Variants in TPP2 observed in about 807,000 individuals in gnomAD.
The protein encoded by TPP2 is tripeptidyl-peptidase 2.
Under a neutral mutation model 155.9 loss-of-function variants are expected in TPP2, and 34 were observed. The observed-to-expected ratio is 0.22, with a 90% CI of 0.17 to 0.29. The LOEUF is 0.29. Ranked by LOEUF, TPP2 falls within the 10% of genes least tolerant of loss-of-function variation. TPP2 has a pLI of 1.00. For missense variants in TPP2, 1,028 were observed against 1,522.3 expected (o/e 0.68, Z 5.40); for synonymous variants, 510 against 529.4 (o/e 0.96, Z 0.50).
At chr13:102,635,748 T>C (rs1019187447) in intron 12 of TPP2, 46 bp downstream of exon 12, 1 of 1,376,986 alleles carries the variant, frequency 7.3e-7, no homozygotes, top group Non-Finnish European at 1.0e-6. Flanking sequence ...ATCATTGAGA[T>C]AATATCTTAG....
At chr13:102,637,562 G>GTTGTTGTTGTTT (rs146918894) in intron 14 of TPP2, among the ~76,000 whole-genome samples, 2 of 152,062 alleles carry the variant, frequency 1.3e-5, no homozygotes, top group African/African-American at 4.8e-5. Flanking sequence ...TGTTGTTGTT[G>GTTGTTGTTGTTT]TTTTAAGAGA....
At chr13:102,637,541 C>CTTGTTG (rs11272845) in intron 14 of TPP2, among the ~76,000 whole-genome samples, 142 of 151,072 alleles carry the variant, frequency 9.4e-4, no homozygotes, top group African/African-American at 2.7e-3. Flanking sequence ...GCTGCAGTTG[C>CTTGTTG]TTGTTGTTGT....
chr13:102,642,006 G>A (rs1341697674), intron 16 of TPP2, among the ~76,000 whole-genome samples: 1 of 152,216 alleles, frequency 6.6e-6, no homozygotes, highest in Non-Finnish European at 1.5e-5. Context: ...CAGAGTAGCG[G>A]CAAGGCCACG....
At chr13:102,637,758 C>T (rs682729) in intron 14 of TPP2, among the ~76,000 whole-genome samples, 75,246 of 151,920 alleles carry the variant, frequency 0.5, 19,040 homozygotes, top group African/African-American at 0.6. Flanking sequence ...TCTATGTTGC[C>T]CAGTCTTGTC....
At chr13:102,645,862 A>AGT (rs1448724643) in intron 19 of TPP2, among the ~76,000 whole-genome samples, 1 of 152,180 alleles carries the variant, frequency 6.6e-6, no homozygotes, top group Non-Finnish European at 1.5e-5. Flanking sequence ...AGGAGGGCTG[A>AGT]GTGTGGCCCC....
intron 27 of TPP2, among the ~76,000 whole-genome samples, chr13:102,671,589 C>G (rs148829293): frequency 6.6e-6 from 1 of 152,138 alleles, no homozygotes; most frequent in Non-Finnish European, 1.5e-5. Context: ...TCTTTATAAG[C>G]GTTAAAAGTA....
rs541752299 is a variant in TPP2 at position 102,671,604 on chromosome 13, G to T, written c.3372-2679G>T. Among the ~76,000 whole-genome samples, 34 of 152,266 alleles carry T rather than the reference G, an allele frequency of 2.2e-4. 1 individual carries two copies. Among genetic ancestry groups the T allele is most frequent in the African/African-American group, 7.9e-4 (33 of 41,552 alleles). On this transcript the variant is annotated intron_variant, in intron 27 of 29. Coordinates refer to ENST00000376052, the MANE Select transcript of TPP2 (RefSeq NM_001330588.2). ...TCTTTATAAGCGTTAAAAGTAACGGGTTCATACACCTGATTGTGTTGTCAA... is the reference window on the plus strand; with the variant it reads ...TCTTTATAAGCGTTAAAAGTAACGGTTTCATACACCTGATTGTGTTGTCAA...
intron 21 of TPP2, among the ~76,000 whole-genome samples, chr13:102,647,706 A>AG (rs1388151260): frequency 6.6e-6 from 1 of 152,116 alleles, no homozygotes; most frequent in Admixed American, 6.6e-5. Flanking sequence ...AATGATCCTA[A>AG]GTCTGAGGGG....
chr13:102,602,386 T>A (rs904886666), intron 1 of TPP2, among the ~76,000 whole-genome samples: 2 of 152,192 alleles, frequency 1.3e-5, no homozygotes, highest in African/African-American at 2.4e-5. Context: ...TGATTTTTTT[T>A]AATTATGACT....
intron 12 of TPP2, 56 bp from the exon 13 acceptor site, chr13:102,636,168 C>G (rs945291656): frequency 4.6e-5 from 68 of 1,486,530 alleles, no homozygotes; most frequent in Non-Finnish European, 6.0e-5. Context: ...TAATTTGCAA[C>G]AAAATATTTT....
At chr13:102,603,636 G>A (rs763070476) in intron 1 of TPP2, among the ~76,000 whole-genome samples, 48 of 152,198 alleles carry the variant, frequency 3.2e-4, no homozygotes, top group Non-Finnish European at 6.6e-4. Flanking sequence ...CAGATGGTGC[G>A]AGGCTTTTTA....
At chr13:102,641,808 G>C (rs1048988327) in intron 16 of TPP2, among the ~76,000 whole-genome samples, 3 of 152,178 alleles carry the variant, frequency 2.0e-5, no homozygotes, top group Non-Finnish European at 4.4e-5. Flanking sequence ...GCAGTGAGAG[G>C]CTTCTGAGGA....
chr13:102,626,744 TA>T (rs1028508702), intron 6 of TPP2, among the ~76,000 whole-genome samples: 1 of 152,230 alleles, frequency 6.6e-6, no homozygotes, highest in African/African-American at 2.4e-5. Flanking sequence ...TCTTCTTTTA[TA>T]AAATGCTTTT....
intron 29 of TPP2, among the ~76,000 whole-genome samples, chr13:102,677,375 C>CCT (rs1555307407): frequency 6.6e-6 from 1 of 152,098 alleles, no homozygotes; most frequent in South Asian, 2.1e-4. Context: ...CACTCTGCCC[C>CCT]CCCCGCTGCC....
chr13:102,678,268 T>C lies in TPP2; in HGVS notation c.3741T>C (p.Thr1247=). The part of the protein sequence containing the change: ...LLGWTHCASF[T]ENWLPIMYPP... Reference sequence around the variant, plus strand: ...GATGGACCCATTGTGCATCTTTTACTGAAAACTGGCTCCCCATCATGTATC... The same window carrying C: ...GATGGACCCATTGTGCATCTTTTACCGAAAACTGGCTCCCCATCATGTATC... The change falls in exon 30 of 30, where the codon ACT becomes ACC. Residue 1247 remains threonine, a synonymous_variant. Transcript: ENST00000376052. The C allele has an allele frequency of 6.2e-7, 1 of 1,613,764 alleles. No homozygotes were observed. The highest frequency in any genetic ancestry group is 1.1e-5 in the South Asian group (1 of 91,056).
intron 21 of TPP2, 93 bp downstream of exon 21, chr13:102,647,437 A>T: frequency 7.0e-7 from 1 of 1,432,392 alleles, no homozygotes; most frequent in Non-Finnish European, 9.3e-7. Flanking sequence ...TTCATACTTT[A>T]AAAAAAACAA....
intron 2 of TPP2, among the ~76,000 whole-genome samples, chr13:102,611,685 C>T (rs1047517117): frequency 6.6e-6 from 1 of 152,108 alleles, no homozygotes; most frequent in Admixed American, 6.6e-5. Context: ...GACATTTCCA[C>T]TAGCAGTGTA....
intron 1 of TPP2, among the ~76,000 whole-genome samples, chr13:102,597,679 T>G (rs1409232661): frequency 6.7e-6 from 1 of 149,028 alleles, no homozygotes; most frequent in African/African-American, 2.6e-5. Context: ...ATCATTGGGG[T>G]GGGGTGGAGA....
intron 2 of TPP2, among the ~76,000 whole-genome samples, chr13:102,610,749 A>G (rs1363935393): frequency 6.6e-6 from 1 of 152,222 alleles, no homozygotes; most frequent in Admixed American, 6.5e-5. Context: ...TGAGCAGATA[A>G]AAGTACAAAA....
Sources: allele counts gnomAD v4.1 joint callset (sites outside exome capture counted in the v4.1 genomes callset), GRCh38; gene constraint gnomAD v4.1.1; transcripts MANE v1.5; gene names NCBI Gene and HGNC (gene_info 2026-07-23, HGNC 2026-07-21).